The following ADAM7 variants were observed in gnomAD, a reference collection of about 807,000 sequenced individuals.
ADAM7 encodes ADAM metallopeptidase domain 7.
In ADAM7, 97 loss-of-function variants were observed where a neutral mutation model predicts 102.9. The observed-to-expected ratio is 0.94, with a 90% CI of 0.80 to 1.12. The LOEUF (loss-of-function observed/expected upper bound fraction) is 1.12, where lower values mean the gene tolerates loss of function less well. ADAM7 is among the 50% of genes most tolerant of loss of function. ADAM7 has a pLI of 0.00. For synonymous variants in ADAM7, 334 were observed against 304.4 expected, an observed-to-expected ratio of 1.10 and a Z score of -1.01; for missense variants, 991 against 908.7, an observed-to-expected ratio of 1.09 and a Z score of -1.16.
At chr8:24,486,039 G>A (rs1241093249) in intron 10 of ADAM7, among the ~76,000 whole-genome samples, 1 of 152,110 alleles carries the variant, frequency 6.6e-6, no homozygotes, top group Non-Finnish European at 1.5e-5. Flanking sequence ...TGTGTGTATA[G>A]CTTTTCCTAT....
chr8:24,452,760 A>T (rs1186678768), intron 3 of ADAM7, among the ~76,000 whole-genome samples: 2 of 151,634 alleles, frequency 1.3e-5, no homozygotes, highest in African/African-American at 4.9e-5. Context: ...GGTCTTTACA[A>T]TTTGGCATGA....
At chr8:24,490,651 A>G in intron 12 of ADAM7, 148 bp from the exon 13 acceptor site, 1 of 721,474 alleles carries the variant, frequency 1.4e-6, no homozygotes, top group Non-Finnish European at 2.3e-6. Context: ...CCCGTTCTAA[A>G]CAGTAATCTT....
intron 21 of ADAM7, 55 bp from the exon 22 acceptor site, chr8:24,508,491 T>C (rs753399661): frequency 8.3e-6 from 13 of 1,557,800 alleles, no homozygotes; most frequent in Admixed American, 1.7e-5. Flanking sequence ...TGGAAATACA[T>C]GGTTCACAGA....
chr8:24,488,714 CTGTT>C (rs1820231299), intron 11 of ADAM7, among the ~76,000 whole-genome samples: 1 of 152,044 alleles, frequency 6.6e-6, no homozygotes, highest in African/African-American at 2.4e-5. Flanking sequence ...ATTAAATAAA[CTGTT>C]TGTCTTAATA....
In ADAM7 at chr8:24,465,718, G is replaced by A; in HGVS notation, c.332G>A (p.Gly111Glu). The A allele has an allele frequency of 6.2e-7, 1 of 1,606,584 alleles. No individual in the cohort carries two copies. The highest frequency in any genetic ancestry group is 8.5e-7 in the Non-Finnish European group (1 of 1,176,626). ...PQIMDHCFYQ[G>E]SIVHEYDSAA... ...TTTTAGGATCATTGTTTTTACCAAGGATCCATAGTACACGAATATGATTCA... is the reference window on the plus strand; with the variant it reads ...TTTTAGGATCATTGTTTTTACCAAGAATCCATAGTACACGAATATGATTCA... Residue 111 changes from glycine to glutamate, a missense_variant, in exon 5 of 22, where the codon GGA becomes GAA. Physicochemically the swap from Gly to Glu is moderately conservative, Grantham distance 98. Transcript: ENST00000175238.
intron 7 of ADAM7, among the ~76,000 whole-genome samples, chr8:24,470,260 T>TA (rs140357480): frequency 0.018 from 2,731 of 152,180 alleles, 32 homozygotes; most frequent in Non-Finnish European, 0.029. Context: ...TTAAATTGAG[T>TA]ACTAAAGTAT....
chr8:24,503,101 C>T (rs772102890), intron 20 of ADAM7, among the ~76,000 whole-genome samples: 34 of 151,980 alleles, frequency 2.2e-4, no homozygotes, highest in Non-Finnish European at 4.7e-4. Flanking sequence ...AGCAATGAGG[C>T]TAACTTACTG....
At chr8:24,452,546 C>G (rs944242800) in intron 3 of ADAM7, among the ~76,000 whole-genome samples, 9 of 151,730 alleles carry the variant, frequency 5.9e-5, no homozygotes, top group African/African-American at 1.5e-4. Flanking sequence ...ATGTGTGTCT[C>G]TGCACGTGAG....
chr8:24,454,809 C>G (rs557099030), intron 3 of ADAM7, among the ~76,000 whole-genome samples: 2 of 152,112 alleles, frequency 1.3e-5, no homozygotes. Context: ...TGCCCTCCCC[C>G]TCAGCTTGGT....
Position 24,466,999 on chromosome 8 carries a change from T to C in ADAM7, c.579+11T>C. 2 of 1,601,762 alleles carry C rather than the reference T, an allele frequency of 1.2e-6. No individual in the cohort carries two copies. Among genetic ancestry groups the C allele is most frequent in the South Asian group, 1.1e-5 (1 of 90,706 alleles). On this transcript the variant is annotated intron_variant, in intron 6 of 21. Transcript: ENST00000175238. ...GACTCCAAAATAAAAGTGAGTACTT[T>C]ATTATTATCTTTACCCCAAATGAAA...
chr8:24,477,558 A>G (rs1328577235), intron 8 of ADAM7, among the ~76,000 whole-genome samples: 2 of 43,402 alleles, frequency 4.6e-5, no homozygotes, highest in African/African-American at 9.9e-5. Context: ...TCCCTTGGGC[A>G]TACCCTCATC....
chr8:24,480,897 G>T (rs566589654), intron 8 of ADAM7, among the ~76,000 whole-genome samples: 48 of 152,072 alleles, frequency 3.2e-4, no homozygotes, highest in Non-Finnish European at 4.7e-4. Flanking sequence ...ACAACAAAAA[G>T]AAATAAATAA....
intron 3 of ADAM7, among the ~76,000 whole-genome samples, chr8:24,461,357 C>A (rs909353721): frequency 2.0e-5 from 3 of 152,006 alleles, no homozygotes; most frequent in Non-Finnish European, 4.4e-5. Context: ...CTCACATAGT[C>A]TCTAATGGAA....
intron 10 of ADAM7, 59 bp from the exon 11 acceptor site, chr8:24,487,128 A>T: frequency 6.5e-7 from 1 of 1,543,774 alleles, no homozygotes; most frequent in Non-Finnish European, 8.8e-7. Context: ...AGTTTGAAGC[A>T]CTATGTACTA....
chr8:24,476,327 G>T, intron 7 of ADAM7, 106 bp from the exon 8 acceptor site: 1 of 752,766 alleles, frequency 1.3e-6, no homozygotes, highest in Non-Finnish European at 2.1e-6. Flanking sequence ...TTCTTCATTA[G>T]GCCAATGATT....
At chr8:24,456,702 T>A (rs1343805902) in intron 3 of ADAM7, among the ~76,000 whole-genome samples, 1 of 151,482 alleles carries the variant, frequency 6.6e-6, no homozygotes, top group Non-Finnish European at 1.5e-5. Context: ...AGAATCACAC[T>A]ACATGTACTC....
At chr8:24,493,498 G>A (rs1442325847) in intron 16 of ADAM7, among the ~76,000 whole-genome samples, 5 of 152,050 alleles carry the variant, frequency 3.3e-5, no homozygotes, top group Non-Finnish European at 5.9e-5. Flanking sequence ...ATGGATTATA[G>A]ACATGGATTT....
intron 16 of ADAM7, among the ~76,000 whole-genome samples, chr8:24,498,690 A>G (rs1439698926): frequency 1.3e-5 from 2 of 151,790 alleles, no homozygotes; most frequent in Non-Finnish European, 2.9e-5. Context: ...TTTAAAAATT[A>G]AATAGATGAG....
rs536146445 is a variant in ADAM7 at position 24,456,759 on chromosome 8, T to C, written c.234-7123T>C. ...TTTAGCATACTGATATTGAGATTCA[T>C]TCATGCTGCTGCATTTATCAGAGGT... is the stretch of plus-strand genomic sequence containing the variant. On this transcript the variant is annotated intron_variant, in intron 3 of 21. Coordinates refer to ENST00000175238, the MANE Select transcript of ADAM7 (RefSeq NM_003817.4). Among the ~76,000 whole-genome samples, 23 of 152,292 alleles carry C rather than the reference T, an allele frequency of 1.5e-4. No homozygotes were observed. In the South Asian group the frequency reaches 3.7e-3, roughly 25 times the overall value.
Sources: allele counts gnomAD v4.1 joint callset (sites outside exome capture counted in the v4.1 genomes callset), GRCh38; gene constraint gnomAD v4.1.1; transcripts MANE v1.5; gene names NCBI Gene and HGNC (gene_info 2026-07-23, HGNC 2026-07-21).